RAB1A: variants seen among roughly 807,000 people sequenced by gnomAD.
RAB1A encodes the protein ras-related protein Rab-1A.
A neutral mutation model predicts 26.0 loss-of-function variants in RAB1A; 2 were observed. The ratio of observed to expected loss-of-function variants is 0.08; its 90% CI spans 0.03 to 0.24. The LOEUF is 0.24. Ranked by LOEUF, RAB1A falls within the 10% of genes least tolerant of loss-of-function variation. The probability of loss-of-function intolerance (pLI) is 1.00; values close to 1 mark genes in which losing one functional copy is unlikely to be tolerated. For synonymous variants in RAB1A, 84 were observed against 84.9 expected (o/e 0.99, Z 0.06); for missense variants, 100 against 247.0 (o/e 0.40, Z 3.99).
At chr2:65,105,164 G>A (rs960976380) in intron 1 of RAB1A, among the ~76,000 whole-genome samples, 3 of 152,044 alleles carry the variant, frequency 2.0e-5, no homozygotes, top group African/African-American at 7.2e-5. Context: ...ATACAGAAAG[G>A]TAACTTTTCA....
intron 1 of RAB1A, among the ~76,000 whole-genome samples, chr2:65,121,280 TA>T (rs1380099857): frequency 2.0e-5 from 3 of 146,860 alleles, no homozygotes; most frequent in Non-Finnish European, 4.5e-5. Flanking sequence ...TGGCACCGAG[TA>T]AGTGCTAAAT....
chr2:65,090,708 T>TA (rs939440587), intron 4 of RAB1A, among the ~76,000 whole-genome samples: 1 of 152,214 alleles, frequency 6.6e-6, no homozygotes, highest in Non-Finnish European at 1.5e-5. Context: ...GCCTATATGT[T>TA]AGAGTCTTGG....
chr2:65,099,552 C>T (rs946598828), intron 2 of RAB1A, among the ~76,000 whole-genome samples: 2 of 152,234 alleles, frequency 1.3e-5, no homozygotes, highest in Admixed American at 1.3e-4. Context: ...GTTCTATAAG[C>T]TGTGCTAGCC....
chr2:65,129,771 G>C (rs1201614402), intron 1 of RAB1A, 122 bp downstream of exon 1: 3 of 1,466,896 alleles, frequency 2.0e-6, no homozygotes, highest in East Asian at 5.0e-5. Flanking sequence ...AGCCTCTCCT[G>C]ACCCATCACC....
At chr2:65,104,207 C>T (rs1056708503) in intron 2 of RAB1A, among the ~76,000 whole-genome samples, 1 of 152,236 alleles carries the variant, frequency 6.6e-6, no homozygotes, top group East Asian at 1.9e-4. Context: ...GAAGTTTGTC[C>T]AAGACCCTAC....
chr2:65,097,603 G>T (rs971862983), intron 3 of RAB1A, among the ~76,000 whole-genome samples: 1 of 151,980 alleles, frequency 6.6e-6, no homozygotes, highest in Non-Finnish European at 1.5e-5. Context: ...CTCTTCCTAG[G>T]GTTCCTTTAA....
intron 1 of RAB1A, among the ~76,000 whole-genome samples, chr2:65,117,912 A>C (rs184273859): frequency 2.0e-5 from 3 of 152,368 alleles, no homozygotes; most frequent in South Asian, 4.1e-4. Flanking sequence ...GTAGTAAAGC[A>C]GAAACAGCCT....
intron 1 of RAB1A, among the ~76,000 whole-genome samples, chr2:65,111,699 A>G (rs1165782686): frequency 6.6e-6 from 1 of 152,254 alleles, no homozygotes; most frequent in Admixed American, 6.5e-5. Context: ...AAAGAAGGGT[A>G]TACAAGAACT....
chr2:65,105,659 T>C (rs921719375), intron 1 of RAB1A, among the ~76,000 whole-genome samples: 14 of 151,962 alleles, frequency 9.2e-5, no homozygotes, highest in Admixed American at 6.6e-5. Context: ...TGAAAGCCCA[T>C]ATTATAAACT....
intron 1 of RAB1A, among the ~76,000 whole-genome samples, chr2:65,109,620 G>C (rs2103858081): frequency 6.6e-6 from 1 of 151,046 alleles, no homozygotes; most frequent in East Asian, 2.0e-4. Flanking sequence ...TAAGGCAGGA[G>C]AATCACTTGG....
chr2:65,119,033 GAGAAAAA>G lies in RAB1A; in HGVS notation c.23+10853_23+10859del, dbSNP rs550297585. On this transcript the variant is annotated intron_variant, in intron 1 of 5. Transcript: ENST00000409784. ...GTGAAACCCAGTCTCTACAAAAAAA[GAGAAAAA>G]AGAAAAAAAATACAAAAACTGCCAG... Among the ~76,000 whole-genome samples, 401 of 151,252 alleles carry G rather than the reference GAGAAAAA, an allele frequency of 2.7e-3. 3 individuals are homozygous for G. Among genetic ancestry groups the G allele is most frequent in the African/African-American group, 9.0e-3 (370 of 41,226 alleles).
intron 1 of RAB1A, chr2:65,105,511 C>CAAAAAAAAAAAAAAAAAAAAAA (rs60594101): frequency 2.1e-4 from 7 of 33,026 alleles, no homozygotes; most frequent in African/African-American, 6.2e-4. Flanking sequence ...AACTCTGTCT[C>CAAAAAAAAAAAAAAAAAAAAAA]AAAAAAAAAA....
Position 65,087,177 on chromosome 2 carries a change from A to G in RAB1A, c.*1316T>C, listed in dbSNP as rs1034923279. 3.3e-5 allele frequency: 5 copies of G among 152,424 alleles called. No individual in the cohort carries two copies. The highest frequency in any genetic ancestry group is 7.3e-5 in the Non-Finnish European group (5 of 68,036). 9.4% of individuals were successfully genotyped at this position (152,424 alleles called of 1,614,324 possible). ...GTCACCTTAAAATGCCAGTGTGGGCAGAAGATTTTTTATTCCTCACAATTA... is the reference window on the plus strand; with the variant it reads ...GTCACCTTAAAATGCCAGTGTGGGCGGAAGATTTTTTATTCCTCACAATTA... On this transcript the variant is annotated 3_prime_UTR_variant, in exon 6 of 6. Transcript: ENST00000409784.
rs1669043568 is a variant in RAB1A at position 65,086,883 on chromosome 2, A to G, written c.*1610T>C. On this transcript the variant is annotated 3_prime_UTR_variant, in exon 6 of 6. Coordinates refer to ENST00000409784, the MANE Select transcript of RAB1A (RefSeq NM_004161.5). Reference sequence around the variant, plus strand: ...AAGTAAACTATGATTTTTATTGTGAAATTTTCATAGATGGAAAATTGAATA... The same window carrying G: ...AAGTAAACTATGATTTTTATTGTGAGATTTTCATAGATGGAAAATTGAATA... The G allele has an allele frequency of 6.5e-6, 1 of 152,744 alleles. No homozygotes were observed. The highest frequency in any genetic ancestry group is 2.4e-5 in the African/African-American group (1 of 41,562). 9.5% of individuals were successfully genotyped at this position (152,744 alleles called of 1,614,324 possible). A position where few individuals can be genotyped will look rare whatever the true frequency, so the allele number is the denominator to read the frequency against.
intron 1 of RAB1A, among the ~76,000 whole-genome samples, chr2:65,126,590 A>G (rs186909818): frequency 3.3e-5 from 5 of 152,360 alleles, no homozygotes; most frequent in Non-Finnish European, 7.3e-5. Context: ...AACAAAGATT[A>G]TAAATTTCTA....
chr2:65,127,987 G>A (rs1203232358), intron 1 of RAB1A, among the ~76,000 whole-genome samples: 2 of 152,086 alleles, frequency 1.3e-5, no homozygotes, highest in Admixed American at 1.3e-4. Flanking sequence ...GCCCGCCTCG[G>A]CCTCCCAAAG....
chr2:65,127,311 C>A (rs1449700607), intron 1 of RAB1A, among the ~76,000 whole-genome samples: 1 of 152,172 alleles, frequency 6.6e-6, no homozygotes, highest in Non-Finnish European at 1.5e-5. Context: ...CCTTTCAGGT[C>A]TCTCTTCTAT....
chr2:65,092,998 T>TA (rs1669206845), intron 3 of RAB1A, among the ~76,000 whole-genome samples: 1 of 152,208 alleles, frequency 6.6e-6, no homozygotes, highest in African/African-American at 2.4e-5. Context: ...TCTGCCACAG[T>TA]AAGTTTCCTG....
intron 1 of RAB1A, among the ~76,000 whole-genome samples, chr2:65,125,494 T>C (rs1670077428): frequency 6.8e-6 from 1 of 147,684 alleles, no homozygotes; most frequent in Admixed American, 6.9e-5. Context: ...TGATCTGGAC[T>C]CACTGCAGCC....
Sources: allele counts gnomAD v4.1 joint callset (sites outside exome capture counted in the v4.1 genomes callset), GRCh38; gene constraint gnomAD v4.1.1; transcripts MANE v1.5; gene names NCBI Gene and HGNC (gene_info 2026-07-23, HGNC 2026-07-21).